The following CREB5 variants were observed in gnomAD, a reference collection of about 807,000 sequenced individuals.
CREB5 encodes the protein cAMP responsive element binding protein 5, also known as cyclic AMP-responsive element-binding protein 5.
CREB5 carries 19 observed loss-of-function variants against 57.1 expected under a neutral mutation model. The ratio of observed to expected loss-of-function variants is 0.33; its 90% CI spans 0.23 to 0.49. The LOEUF is 0.49. CREB5 is among the 20% of genes least tolerant of loss of function. The pLI is 0.99. For synonymous variants in CREB5, 238 were observed against 238.3 expected, an observed-to-expected ratio of 1.00 and a Z score of 0.01; for missense variants, 579 against 671.6, an observed-to-expected ratio of 0.86 and a Z score of 1.52.
chr7:28,700,530 T>G (rs1801800598), intron 5 of CREB5, among the ~76,000 whole-genome samples: 1 of 152,200 alleles, frequency 6.6e-6, no homozygotes, highest in African/African-American at 2.4e-5. Flanking sequence ...AAAAAAACTT[T>G]AAAAATAATT....
intron 1 of CREB5, among the ~76,000 whole-genome samples, chr7:28,328,951 C>G (rs1048513214): frequency 2.0e-5 from 3 of 152,254 alleles, no homozygotes. Context: ...TTTGGTGAAG[C>G]CAGTTGAATT....
intron 1 of CREB5, among the ~76,000 whole-genome samples, chr7:28,480,022 ACCT>A (rs888725031): frequency 1.9e-3 from 124 of 65,466 alleles, no homozygotes; most frequent in African/African-American, 8.2e-3. Context: ...AAAATCCAAA[ACCT>A]CCCCCCCCCC....
chr7:28,692,248 G>C (rs1217540695), intron 5 of CREB5, among the ~76,000 whole-genome samples: 7 of 150,282 alleles, frequency 4.7e-5, no homozygotes, highest in Non-Finnish European at 8.9e-5. Context: ...CTCCCTTTTT[G>C]TTTGGTTTTT....
chr7:28,490,367 G>A (rs1791745563), intron 2 of CREB5, among the ~76,000 whole-genome samples: 1 of 152,218 alleles, frequency 6.6e-6, no homozygotes, highest in African/African-American at 2.4e-5. Context: ...CACTAAGGAA[G>A]GGGCATTTAA....
At chr7:28,313,053 T>C (rs974833243) in intron 1 of CREB5, among the ~76,000 whole-genome samples, 4 of 152,324 alleles carry the variant, frequency 2.6e-5, no homozygotes, top group African/African-American at 4.8e-5. Flanking sequence ...CCAGCAGACA[T>C]TGGAGTTACT....
intron 1 of CREB5, among the ~76,000 whole-genome samples, chr7:28,443,515 C>A (rs1789292917): frequency 1.3e-5 from 2 of 152,204 alleles, no homozygotes; most frequent in African/African-American, 4.8e-5. Context: ...CTAGGACATA[C>A]ATAGTCCATA....
intron 1 of CREB5, among the ~76,000 whole-genome samples, chr7:28,481,791 A>G (rs1279507751): frequency 6.6e-6 from 1 of 152,182 alleles, no homozygotes; most frequent in Non-Finnish European, 1.5e-5. Context: ...GACAGACATA[A>G]GGAGACAAAC....
At position 28,507,560 on chromosome 7, in the gene CREB5, G is replaced by A. The variant is rs990116285; in HGVS notation, c.170-56G>A. 3.9e-6 allele frequency: 6 copies of A among 1,553,416 alleles called. No homozygotes were observed. The East Asian group carries it at 9.2e-5, about 24-fold the overall frequency. ...GGATTAGTGAATCTAGCTCATGCTT[G>A]CTACTGGCTTTTGAGAAAAAAGACC... is the stretch of plus-strand genomic sequence containing the variant. On this transcript the variant is annotated intron_variant, in intron 3 of 10. Transcript: ENST00000357727.
At chr7:28,325,674 T>C (rs2127985301) in intron 1 of CREB5, among the ~76,000 whole-genome samples, 1 of 152,280 alleles carries the variant, frequency 6.6e-6, no homozygotes, top group South Asian at 2.1e-4. Context: ...CAAGGTCATC[T>C]TAACTAAGGG....
chr7:28,483,567 G>A (rs752289991), intron 1 of CREB5, among the ~76,000 whole-genome samples: 14 of 152,106 alleles, frequency 9.2e-5, no homozygotes, highest in East Asian at 1.9e-4. Context: ...AATGAGTACC[G>A]TTTAGAAAAT....
At chr7:28,752,248 C>G (rs1388318857) in intron 7 of CREB5, among the ~76,000 whole-genome samples, 1 of 152,146 alleles carries the variant, frequency 6.6e-6, no homozygotes, top group African/African-American at 2.4e-5. Flanking sequence ...CTCACTGCAA[C>G]CTCTGCCTCT....
chr7:28,601,367 T>C (rs310361), intron 5 of CREB5, among the ~76,000 whole-genome samples: 135,211 of 152,030 alleles, frequency 0.89, 60,221 homozygotes, highest in Admixed American at 0.91. Flanking sequence ...CAGGGATGGA[T>C]TTTTTGTAGT....
chr7:28,723,070 G>T (rs189383598), intron 6 of CREB5, among the ~76,000 whole-genome samples: 1 of 152,260 alleles, frequency 6.6e-6, no homozygotes, highest in Non-Finnish European at 1.5e-5. Context: ...AAGCAACTCC[G>T]TATTTTCCAA....
intron 7 of CREB5, among the ~76,000 whole-genome samples, chr7:28,774,715 T>C (rs755086729): frequency 6.6e-6 from 1 of 152,212 alleles, no homozygotes; most frequent in Non-Finnish European, 1.5e-5. Context: ...CCCACTGCTA[T>C]AGAATGTTAC....
chr7:28,594,136 C>G (rs1004830014), intron 5 of CREB5, among the ~76,000 whole-genome samples: 6 of 152,206 alleles, frequency 3.9e-5, no homozygotes, highest in African/African-American at 1.4e-4. Flanking sequence ...CCTCCTTTCT[C>G]CTTACAAATG....
At position 28,825,135 on chromosome 7, in the gene CREB5, A is replaced by G. The variant is rs927356044; in HGVS notation, c.*5856A>G. The G allele has an allele frequency of 2.0e-5, 3 of 152,674 alleles. No individual in the cohort carries two copies. The highest frequency in any genetic ancestry group is 2.9e-5 in the Non-Finnish European group (2 of 68,044). 9.5% of individuals were successfully genotyped at this position (152,674 alleles called of 1,614,324 possible). On this transcript the variant is annotated 3_prime_UTR_variant, in exon 11 of 11. Transcript: ENST00000357727. The stretch of plus-strand genomic sequence containing the variant: ...ATGCACAATAAGCTCATTAGATTCT[A>G]GTTTTCTCCTTTAGAATACCAATGC...
chr7:28,496,122 C>T (rs915053545), intron 3 of CREB5, among the ~76,000 whole-genome samples: 1 of 152,166 alleles, frequency 6.6e-6, no homozygotes, highest in Non-Finnish European at 1.5e-5. Flanking sequence ...GCCTGTTTCA[C>T]AGGCTTATGA....
intron 5 of CREB5, among the ~76,000 whole-genome samples, chr7:28,571,554 A>C (rs1795704491): frequency 6.6e-6 from 1 of 152,198 alleles, no homozygotes; most frequent in South Asian, 2.1e-4. Context: ...AGATCCTGTC[A>C]TTGAACACCA....
At chr7:28,617,470 G>A (rs960546299) in intron 5 of CREB5, among the ~76,000 whole-genome samples, 16 of 152,194 alleles carry the variant, frequency 1.1e-4, no homozygotes, top group African/African-American at 3.6e-4. Flanking sequence ...CAGTGGCTAA[G>A]ACTGAGGGGC....
Sources: allele counts gnomAD v4.1 joint callset (sites outside exome capture counted in the v4.1 genomes callset), GRCh38; gene constraint gnomAD v4.1.1; transcripts MANE v1.5; gene names NCBI Gene and HGNC (gene_info 2026-07-23, HGNC 2026-07-21).